CSGALNACT1: variants seen among roughly 807,000 people sequenced by gnomAD.
The protein encoded by CSGALNACT1 is chondroitin sulfate N-acetylgalactosaminyltransferase 1.
CSGALNACT1 carries 52 observed loss-of-function variants against 51.0 expected under a neutral mutation model. The observed-to-expected ratio is 1.02, with a 90% CI of 0.82 to 1.29. CSGALNACT1 has a LOEUF of 1.29. Ranked by LOEUF, CSGALNACT1 falls within the 50% of genes most tolerant of loss-of-function variation. The pLI is 0.00. For missense variants in CSGALNACT1, 935 were observed against 679.2 expected, an observed-to-expected ratio of 1.38 and a Z score of -4.19; for synonymous variants, 341 against 254.4, an observed-to-expected ratio of 1.34 and a Z score of -3.24.
At chr8:19,409,558 C>T (rs766405592) in intron 8 of CSGALNACT1, among the ~76,000 whole-genome samples, 1 of 152,070 alleles carries the variant, frequency 6.6e-6, no homozygotes, top group Non-Finnish European at 1.5e-5. Flanking sequence ...AACACGTATT[C>T]AGCTGAGAGA....
chr8:19,413,545 G>C (rs1189020998), intron 8 of CSGALNACT1, among the ~76,000 whole-genome samples: 1 of 152,212 alleles, frequency 6.6e-6, no homozygotes, highest in Middle Eastern at 3.2e-3. Flanking sequence ...TGAATAAATA[G>C]AAACAGAATG....
rs181884182 is a variant in CSGALNACT1 at position 19,512,446 on chromosome 8, A to G, written c.-296-6316T>C. Among the ~76,000 whole-genome samples, 528 of 152,356 alleles carry G rather than the reference A, an allele frequency of 3.5e-3. 3 individuals are homozygous for G. The highest frequency in any genetic ancestry group is 5.5e-3 in the Non-Finnish European group (371 of 68,044). On this transcript the variant is annotated intron_variant, in intron 3 of 9. Coordinates refer to ENST00000454498, the Ensembl canonical transcript of CSGALNACT1. ...TAATAAATGTTTGTTACTTTAAGCTAAAGTTTTGGAATAATTTATTACATT... is the reference window on the plus strand; with the variant it reads ...TAATAAATGTTTGTTACTTTAAGCTGAAGTTTTGGAATAATTTATTACATT...
chr8:19,406,380 C>T (rs2153658927), intron 9 of CSGALNACT1, among the ~76,000 whole-genome samples: 1 of 151,804 alleles, frequency 6.6e-6, no homozygotes, highest in Non-Finnish European at 1.5e-5. Context: ...TTAATGGGTA[C>T]AAAAATAAGA....
intron 3 of CSGALNACT1, among the ~76,000 whole-genome samples, chr8:19,572,690 T>A (rs1268850771): frequency 2.6e-5 from 4 of 152,364 alleles, no homozygotes; most frequent in Non-Finnish European, 5.9e-5. Flanking sequence ...CAAGGCACGA[T>A]TCCCATGCTA....
chr8:19,672,962 G>A (rs111562512), intron 1 of CSGALNACT1, among the ~76,000 whole-genome samples: 17 of 152,344 alleles, frequency 1.1e-4, no homozygotes, highest in African/African-American at 4.1e-4. Context: ...TTTAACCACT[G>A]TATCTCACTG....
At chr8:19,651,212 G>A (rs978473863) in intron 1 of CSGALNACT1, among the ~76,000 whole-genome samples, 2 of 152,068 alleles carry the variant, frequency 1.3e-5, no homozygotes, top group Non-Finnish European at 2.9e-5. Context: ...GCCACTGCAT[G>A]GCAAAATGAG....
chr8:19,638,934 C>A (rs779978112), intron 1 of CSGALNACT1, among the ~76,000 whole-genome samples: 21 of 151,906 alleles, frequency 1.4e-4, no homozygotes, highest in Non-Finnish European at 2.8e-4. Context: ...CTACCACATA[C>A]ATAATTTGCA....
intron 3 of CSGALNACT1, among the ~76,000 whole-genome samples, chr8:19,528,682 G>T (rs555991109): frequency 2.6e-5 from 4 of 152,082 alleles, no homozygotes; most frequent in African/African-American, 9.7e-5. Flanking sequence ...TGTATGATGG[G>T]TTCTCCCTCA....
intron 3 of CSGALNACT1, among the ~76,000 whole-genome samples, chr8:19,524,204 C>G (rs376439066): frequency 6.6e-6 from 1 of 152,022 alleles, no homozygotes. Flanking sequence ...GCAGGAGGAT[C>G]GCTTGAGCCC....
At chr8:19,435,103 T>A (rs1027920859) in intron 6 of CSGALNACT1, among the ~76,000 whole-genome samples, 2 of 152,202 alleles carry the variant, frequency 1.3e-5, no homozygotes, top group African/African-American at 4.8e-5. Flanking sequence ...CTCTGAAGGA[T>A]GCTTTCATGT....
At chr8:19,672,560 T>C (rs1202248446) in intron 1 of CSGALNACT1, among the ~76,000 whole-genome samples, 1 of 152,248 alleles carries the variant, frequency 6.6e-6, no homozygotes. Context: ...TACTATTGAC[T>C]ATCTAATATA....
chr8:19,695,718 G>C (rs892776863), intron 1 of CSGALNACT1, among the ~76,000 whole-genome samples: 1 of 152,188 alleles, frequency 6.6e-6, no homozygotes, highest in African/African-American at 2.4e-5. Flanking sequence ...ATTTAGAAAG[G>C]CCTCCGAAAG....
At chr8:19,673,820 A>T (rs2059970616) in intron 1 of CSGALNACT1, among the ~76,000 whole-genome samples, 2 of 152,218 alleles carry the variant, frequency 1.3e-5, no homozygotes, top group African/African-American at 4.8e-5. Context: ...TTTGTGAAGA[A>T]GTACTCTGAA....
chr8:19,430,377 A>G (rs1235752628), intron 6 of CSGALNACT1, among the ~76,000 whole-genome samples: 2 of 152,200 alleles, frequency 1.3e-5, no homozygotes, highest in East Asian at 3.9e-4. Flanking sequence ...TTTTGTATAT[A>G]TAGTGGATGT....
chr8:19,461,626 G>A (rs1237270252), intron 4 of CSGALNACT1, among the ~76,000 whole-genome samples: 3 of 60,166 alleles, frequency 5.0e-5, no homozygotes, highest in South Asian at 8.9e-4. Context: ...CATGGGGGGC[G>A]TATCCGCACA....
chr8:19,485,835 C>T (rs1307623328), intron 4 of CSGALNACT1, among the ~76,000 whole-genome samples: 1 of 122,184 alleles, frequency 8.2e-6, no homozygotes, highest in East Asian at 2.8e-4. Flanking sequence ...GGCATGATCT[C>T]GGCTCAGCAC....
chr8:19,728,269 A>G (rs1485918343), intron 1 of CSGALNACT1, among the ~76,000 whole-genome samples: 1 of 152,214 alleles, frequency 6.6e-6, no homozygotes, highest in Non-Finnish European at 1.5e-5. Context: ...ACATGATTCA[A>G]AAGAAGTAGG....
At chr8:19,405,437 C>CT (rs765403543) in exon 10 of CSGALNACT1, 1 of 485,088 alleles carries the variant, frequency 2.1e-6, no homozygotes, top group Non-Finnish European at 4.0e-6. Context: ...TTTTACAAAA[C>CT]TGCTCTTAAA....
chr8:19,676,745 T>G (rs568158164), intron 1 of CSGALNACT1, among the ~76,000 whole-genome samples: 1 of 152,286 alleles, frequency 6.6e-6, no homozygotes, highest in Admixed American at 6.5e-5. Flanking sequence ...CATTGTCCAC[T>G]GTTTAGACAT....
Sources: gnomAD v4.1 joint callset for allele counts (sites outside exome capture counted in the v4.1 genomes callset) on GRCh38, gnomAD v4.1.1 for gene constraint, MANE v1.5 for transcripts, NCBI Gene and HGNC (gene_info 2026-07-23, HGNC 2026-07-21) for gene names.